The following SPECC1 variants were observed in gnomAD, a reference collection of about 807,000 sequenced individuals.
SPECC1 encodes sperm antigen with calponin homology and coiled-coil domains 1.
In SPECC1, 62 loss-of-function variants were observed where a neutral mutation model predicts 104.1. That is an observed-to-expected ratio of 0.60 (90% confidence interval 0.49 to 0.74). SPECC1 has a LOEUF of 0.74. Among genes scored for constraint, SPECC1 ranks in the 30% least tolerant of loss-of-function variants. SPECC1 has a pLI of 0.00. For missense variants in SPECC1, 1,306 were observed against 1,310.5 expected (o/e 1.00, Z 0.05); for synonymous variants, 513 against 501.6 (o/e 1.02, Z -0.30).
chr17:20,120,212 C>T (rs2048962011), intron 3 of SPECC1, among the ~76,000 whole-genome samples: 1 of 152,140 alleles, frequency 6.6e-6, no homozygotes, highest in African/African-American at 2.4e-5. Flanking sequence ...GGCGAAACCC[C>T]TTCTTTACTA....
intron 12 of SPECC1, among the ~76,000 whole-genome samples, chr17:20,277,390 C>CT (rs913852831): frequency 1.5e-4 from 23 of 151,690 alleles, no homozygotes; most frequent in African/African-American, 5.1e-4. Flanking sequence ...ACTTTTTAAA[C>CT]TTTTTTTTTA....
At position 20,127,856 on chromosome 17, in the gene SPECC1, G is replaced by C. The variant is rs1194448924; in HGVS notation, c.283+17294G>C. Among the ~76,000 whole-genome samples the C allele has an allele frequency of 2.6e-5, 4 of 152,018 alleles. No individual in the cohort carries two copies. The South Asian group carries it at 8.3e-4, about 31-fold the overall frequency. ...GGCTGTTTCCCTTGTGTGGCCTTCT[G>C]TGCATGCAGGCAAGGAGAAGGGAAC... On this transcript the variant is annotated intron_variant, in intron 3 of 14. Transcript: ENST00000395527.
chr17:20,156,036 C>T, intron 3 of SPECC1: 3 of 1,277,504 alleles, frequency 2.3e-6, no homozygotes, highest in Non-Finnish European at 3.0e-6. Flanking sequence ...AGCAGCGGCT[C>T]CGCCGGCAGC....
At chr17:20,301,102 C>G (rs2041561681) in intron 13 of SPECC1, among the ~76,000 whole-genome samples, 1 of 152,144 alleles carries the variant, frequency 6.6e-6, no homozygotes, top group Non-Finnish European at 1.5e-5. Flanking sequence ...GTGGCTTGCC[C>G]TGGGGGATGC....
intron 12 of SPECC1, among the ~76,000 whole-genome samples, chr17:20,280,258 G>C (rs146747416): frequency 6.6e-6 from 1 of 152,122 alleles, no homozygotes; most frequent in African/African-American, 2.4e-5. Context: ...TATTTACCAC[G>C]TGACCGACAT....
intron 10 of SPECC1, among the ~76,000 whole-genome samples, chr17:20,254,413 A>G (rs1360645525): frequency 6.6e-6 from 1 of 152,148 alleles, no homozygotes; most frequent in Non-Finnish European, 1.5e-5. Flanking sequence ...TAAAACGGAA[A>G]TAATCCGGTC....
intron 1 of SPECC1, among the ~76,000 whole-genome samples, chr17:20,024,075 G>A (rs1348998428): frequency 6.6e-6 from 1 of 152,138 alleles, no homozygotes; most frequent in Non-Finnish European, 1.5e-5. Context: ...AGAATCGTTT[G>A]CTATTAGGAC....
At chr17:20,202,150 T>C (rs943146986) in intron 3 of SPECC1, among the ~76,000 whole-genome samples, 6 of 152,240 alleles carry the variant, frequency 3.9e-5, no homozygotes, top group African/African-American at 1.4e-4. Context: ...GTATTATAAC[T>C]GCATACAATT....
chr17:20,115,308 A>G (rs771739144), intron 3 of SPECC1, among the ~76,000 whole-genome samples: 1 of 152,152 alleles, frequency 6.6e-6, no homozygotes, highest in Admixed American at 6.5e-5. Context: ...ACCCATCTCT[A>G]CTAAAAATAC....
intron 12 of SPECC1, among the ~76,000 whole-genome samples, chr17:20,267,695 G>A (rs2040263914): frequency 6.6e-6 from 1 of 152,130 alleles, no homozygotes; most frequent in South Asian, 2.1e-4. Flanking sequence ...AGGAAACAGG[G>A]ACTTTCTAGC....
chr17:20,313,841 C>A, intron 14 of SPECC1, 135 bp from the exon 15 acceptor site: 1 of 740,986 alleles, frequency 1.3e-6, no homozygotes, highest in Non-Finnish European at 2.3e-6. Flanking sequence ...ACCACCTGTG[C>A]TGGCCTTCAC....
chr17:20,068,631 C>T (rs2046441976), intron 1 of SPECC1, among the ~76,000 whole-genome samples: 1 of 152,236 alleles, frequency 6.6e-6, no homozygotes, highest in Non-Finnish European at 1.5e-5. Flanking sequence ...AGTGTCACCA[C>T]ATCCTCACCA....
intron 3 of SPECC1, among the ~76,000 whole-genome samples, chr17:20,132,221 G>A (rs749926602): frequency 7.2e-5 from 11 of 152,098 alleles, no homozygotes; most frequent in Non-Finnish European, 1.6e-4. Context: ...TCTTGAACCT[G>A]CCTTGTACCC....
At chr17:20,047,728 G>C (rs2045592590) in intron 1 of SPECC1, among the ~76,000 whole-genome samples, 1 of 151,974 alleles carries the variant, frequency 6.6e-6, no homozygotes, top group African/African-American at 2.4e-5. Context: ...CTCCCGAGTA[G>C]TTGGGACTAC....
intron 3 of SPECC1, among the ~76,000 whole-genome samples, chr17:20,154,171 C>T (rs1452277816): frequency 6.6e-6 from 1 of 152,116 alleles, no homozygotes; most frequent in Non-Finnish European, 1.5e-5. Context: ...TCATTTGTTC[C>T]GAGTCTCTGT....
chr17:20,206,522 C>T (rs1340936462), intron 4 of SPECC1, among the ~76,000 whole-genome samples: 1 of 152,134 alleles, frequency 6.6e-6, no homozygotes, highest in Non-Finnish European at 1.5e-5. Flanking sequence ...AAACTTTTCT[C>T]AGCATATTCC....
At chr17:20,184,823 A>G (rs2035151409) in intron 3 of SPECC1, among the ~76,000 whole-genome samples, 1 of 152,244 alleles carries the variant, frequency 6.6e-6, no homozygotes, top group Admixed American at 6.5e-5. Flanking sequence ...TTTCCGTGGT[A>G]AAGTGCTGAA....
intron 7 of SPECC1, chr17:20,236,750 C>T: frequency 7.1e-7 from 1 of 1,411,414 alleles, no homozygotes. Flanking sequence ...TGGACATTAG[C>T]TTTTCCCTGT....
At chr17:20,087,896 ACGC>A (rs2047238175) in intron 1 of SPECC1, among the ~76,000 whole-genome samples, 1 of 152,082 alleles carries the variant, frequency 6.6e-6, no homozygotes, top group South Asian at 2.1e-4. Flanking sequence ...TATAAGAAAG[ACGC>A]CTCCTAGAGG....
Sources: allele counts gnomAD v4.1 joint callset (sites outside exome capture counted in the v4.1 genomes callset), GRCh38; gene constraint gnomAD v4.1.1; transcripts MANE v1.5; gene names NCBI Gene and HGNC (gene_info 2026-07-23, HGNC 2026-07-21).